Variants in NRDC observed in about 807,000 individuals in gnomAD.
NRDC encodes nardilysin convertase, also known as nardilysin.
A neutral mutation model predicts 147.1 loss-of-function variants in NRDC; 54 were observed. That is an observed-to-expected ratio of 0.37 (90% CI 0.29 to 0.46). The LOEUF (loss-of-function observed/expected upper bound fraction) is 0.46. NRDC is among the 20% of genes least tolerant of loss of function. The probability of loss-of-function intolerance (pLI) is 1.00; values close to 1 mark genes in which losing one functional copy is unlikely to be tolerated. For missense variants in NRDC, 1,082 were observed against 1,370.6 expected, an observed-to-expected ratio of 0.79 and a Z score of 3.33; for synonymous variants, 440 against 482.1, an observed-to-expected ratio of 0.91 and a Z score of 1.14.
chr1:51,877,953 C>T (rs1420452732), intron 1 of NRDC: 11 of 1,094,968 alleles, frequency 1.0e-5, no homozygotes, highest in Non-Finnish European at 1.1e-5. Context: ...GTCAACCTTT[C>T]CTGGTAACAT....
chr1:51,846,650 A>T (rs1681623086), intron 1 of NRDC, among the ~76,000 whole-genome samples: 1 of 152,192 alleles, frequency 6.6e-6, no homozygotes, highest in Non-Finnish European at 1.5e-5. Context: ...CTTCAGGGTG[A>T]GTGTTATAGC....
intron 3 of NRDC, 151 bp from the exon 4 acceptor site, chr1:51,834,321 C>CA: frequency 1.2e-6 from 1 of 835,320 alleles, no homozygotes. Context: ...TTCTTTGAGA[C>CA]AGAGTCTCAC....
chr1:51,791,697 T>G (rs1158248616), intron 26 of NRDC, 36 bp from the exon 27 acceptor site: 1 of 1,523,606 alleles, frequency 6.6e-7, no homozygotes, highest in Non-Finnish European at 9.1e-7. Context: ...TGAGCTCAGG[T>G]GATCATCTGG....
At chr1:51,873,255 T>C (rs1356636954) in intron 1 of NRDC, among the ~76,000 whole-genome samples, 1 of 152,178 alleles carries the variant, frequency 6.6e-6, no homozygotes, top group Non-Finnish European at 1.5e-5. Context: ...GTATACGTGC[T>C]GCCAAAGTGA....
intron 1 of NRDC, 51 bp from the exon 2 acceptor site, chr1:51,840,565 C>A: frequency 8.2e-7 from 1 of 1,221,576 alleles, no homozygotes; most frequent in South Asian, 1.5e-5. Flanking sequence ...GTTCTTTACA[C>A]CAATACAAGT....
Position 51,877,662 on chromosome 1 carries a change from T to C in NRDC, c.341+613A>G, listed in dbSNP as rs996134842. 2.0e-5 allele frequency among the ~76,000 whole-genome samples: 3 copies of C among 152,208 alleles called. No individual in the cohort carries two copies. The East Asian group carries it at 5.8e-4, about 29-fold the overall frequency. The stretch of plus-strand genomic sequence containing the variant: ...AACCAAAAGTAGAGAATTTCAAGGT[T>C]AGAAGAAACCTTACAACTCACCCAA... On this transcript the variant is annotated intron_variant, in intron 1 of 30. Transcript: ENST00000352171.
At chr1:51,852,427 G>GT (rs1045819089) in intron 1 of NRDC, among the ~76,000 whole-genome samples, 3 of 108,056 alleles carry the variant, frequency 2.8e-5, no homozygotes, top group Non-Finnish European at 6.0e-5. Context: ...CCATATTTGT[G>GT]TATGTATATA....
rs79212576 is a variant in NRDC at position 51,857,702 on chromosome 1, G to C, written c.342-17188C>G. Among the ~76,000 whole-genome samples, 1,437 of 152,284 alleles carry C rather than the reference G, an allele frequency of 9.4e-3. 24 individuals carry two copies. The highest frequency in any genetic ancestry group is 0.033 in the African/African-American group (1,370 of 41,546). ...CTGGACTGGATCCATGATTGGATTG[G>C]ATCTGATAATTAACTGACTTGGATT... On this transcript the variant is annotated intron_variant, in intron 1 of 30. Transcript: ENST00000352171.
At position 51,846,622 on chromosome 1, in the gene NRDC, A is replaced by G. The variant is rs182067726; in HGVS notation, c.342-6108T>C. 1.4e-3 allele frequency among the ~76,000 whole-genome samples: 214 copies of G among 152,322 alleles called. 2 individuals are homozygous for G. The highest frequency in any genetic ancestry group is 6.8e-3 in the Middle Eastern group (2 of 294). ...GTGGGTTCGTACTCTCGCTGGCTTC[A>G]GGAGTGAAGCTGCAGACCTTCAGGG... On this transcript the variant is annotated intron_variant, in intron 1 of 30. Coordinates refer to ENST00000352171, the MANE Select transcript of NRDC (RefSeq NM_001101662.2).
rs184266037 is a variant in NRDC at position 51,837,163 on chromosome 1, G to A, written c.631-951C>T. Among the ~76,000 whole-genome samples, 14 of 152,184 alleles carry A rather than the reference G, an allele frequency of 9.2e-5. No individual in the cohort carries two copies. In the East Asian group the frequency reaches 9.6e-4, roughly 10 times the overall value. ...TTTGAATCCTTGAAGATAGAAAGGC[G>A]AATTATTAACTTTCCCAAATTTGTT... On this transcript the variant is annotated intron_variant, in intron 2 of 30. Coordinates refer to ENST00000352171, the MANE Select transcript of NRDC (RefSeq NM_001101662.2).
At chr1:51,816,595 T>G (rs1479430905) in intron 10 of NRDC, among the ~76,000 whole-genome samples, 2 of 152,244 alleles carry the variant, frequency 1.3e-5, no homozygotes, top group Non-Finnish European at 2.9e-5. Flanking sequence ...TTGAGATTAC[T>G]GAAGAGTACA....
intron 24 of NRDC, among the ~76,000 whole-genome samples, chr1:51,793,688 G>A (rs556670316): frequency 4.6e-5 from 7 of 152,314 alleles, no homozygotes; most frequent in Admixed American, 2.0e-4. Flanking sequence ...CCAAAGCCCA[G>A]TCAGGGATCT....
chr1:51,850,036 G>GGA (rs2149233941), intron 1 of NRDC, among the ~76,000 whole-genome samples: 1 of 152,128 alleles, frequency 6.6e-6, no homozygotes, highest in African/African-American at 2.4e-5. Context: ...AAATTAGCCA[G>GGA]GTTGGTGGTG....
chr1:51,821,418 C>CA, intron 8 of NRDC, 80 bp downstream of exon 8: 1 of 938,042 alleles, frequency 1.1e-6, no homozygotes, highest in Non-Finnish European at 1.6e-6. Flanking sequence ...AATAAAAAAG[C>CA]AAAAAACCTT....
intron 1 of NRDC, among the ~76,000 whole-genome samples, chr1:51,867,202 T>C (rs1426819334): frequency 2.0e-5 from 3 of 151,594 alleles, no homozygotes; most frequent in African/African-American, 7.3e-5. Flanking sequence ...AAAAAAAGAC[T>C]GAAAAGTATA....
intron 4 of NRDC, among the ~76,000 whole-genome samples, chr1:51,831,953 T>C (rs1206398219): frequency 2.0e-5 from 3 of 152,176 alleles, no homozygotes; most frequent in African/African-American, 7.2e-5. Context: ...AATAGTGGCA[T>C]ATGCTTCCAA....
intron 2 of NRDC, 108 bp downstream of exon 2, chr1:51,840,118 G>T: frequency 1.2e-6 from 1 of 857,820 alleles, no homozygotes; most frequent in Non-Finnish European, 1.8e-6. Flanking sequence ...CTTTACTGAA[G>T]ACCAAAAGAT....
rs776820662 is a variant in NRDC at position 51,825,403 on chromosome 1, CATA to C, written c.941-24_941-22del. The C allele has an allele frequency of 2.6e-6, 4 of 1,531,616 alleles. No individual in the cohort carries two copies. In the South Asian group the frequency reaches 4.7e-5, roughly 18 times the overall value. 94.9% of individuals were successfully genotyped at this position (1,531,616 alleles called of 1,614,324 possible). A position where few individuals can be genotyped will look rare whatever the true frequency, so the allele number is the denominator to read the frequency against. On this transcript the variant is annotated intron_variant, in intron 5 of 30. Transcript: ENST00000352171. ...ATATTCTGTCAATTTTAAATAAACA[CATA>C]ATAAAACAAAATTCAGTATCTCCTT...
At chr1:51,867,572 G>A (rs1332180056) in intron 1 of NRDC, among the ~76,000 whole-genome samples, 1 of 152,190 alleles carries the variant, frequency 6.6e-6, no homozygotes, top group Non-Finnish European at 1.5e-5. Flanking sequence ...GAAATAAGAA[G>A]AGATCTGTGA....
Sources: allele counts gnomAD v4.1 joint callset (sites outside exome capture counted in the v4.1 genomes callset), GRCh38; gene constraint gnomAD v4.1.1; transcripts MANE v1.5; gene names NCBI Gene and HGNC (gene_info 2026-07-23, HGNC 2026-07-21).